MGST1: variants seen among roughly 807,000 people sequenced by gnomAD.
MGST1 encodes the protein microsomal glutathione S-transferase 1, also known as glutathione S-transferase 12.
Under a neutral mutation model 8.9 loss-of-function variants are expected in MGST1, and 5 were observed. The observed-to-expected ratio is 0.56, with a 90% CI of 0.29 to 1.19. MGST1 has a LOEUF of 1.19. Among genes scored for constraint, MGST1 ranks in the 50% most tolerant of loss-of-function variants. The probability of loss-of-function intolerance (pLI) is 0.08; values close to 1 mark genes in which losing one functional copy is unlikely to be tolerated. For synonymous variants in MGST1, 54 were observed against 67.8 expected (o/e 0.80, Z 1.00); for missense variants, 182 against 187.4 (o/e 0.97, Z 0.17).
chr12:16,385,357 G>A (rs1235044190), intron 1 of MGST1, among the ~76,000 whole-genome samples: 1 of 152,140 alleles, frequency 6.6e-6, no homozygotes, highest in Non-Finnish European at 1.5e-5. Flanking sequence ...TTAGGTGGAG[G>A]GAGGTTGGAA....
chr12:16,553,767 T>G (rs1050593121), intron 4 of MGST1, among the ~76,000 whole-genome samples: 1 of 151,794 alleles, frequency 6.6e-6, no homozygotes, highest in Non-Finnish European at 1.5e-5. Context: ...GCAATACAGA[T>G]AGTATGTATT....
chr12:16,385,192 A>G (rs1940494191), intron 1 of MGST1, among the ~76,000 whole-genome samples: 1 of 152,196 alleles, frequency 6.6e-6, no homozygotes, highest in Admixed American at 6.5e-5. Context: ...TCCCCAGTAT[A>G]AAGTTCTTAT....
rs769893510 is a variant in MGST1 at position 16,586,700 on chromosome 12, C to T, written n.483-2828C>T. Among the ~76,000 whole-genome samples, 2 of 152,104 alleles carry T rather than the reference C, an allele frequency of 1.3e-5. No homozygotes were observed. Among genetic ancestry groups the T allele is most frequent in the Non-Finnish European group, 2.9e-5 (2 of 68,024 alleles). On this transcript the variant is annotated intron_variant and non_coding_transcript_variant, in intron 4 of 4. Coordinates refer to the MGST1 transcript ENST00000538857. This position sits in a 1 kb window ranked among gnomAD's most constrained non-coding sequence, Gnocchi z 4.3. ...AGATTTCAAGATACACATCTTTTGA[C>T]CCCCCATTGCAGTAGATGATGTTTT...
At chr12:16,488,567 A>G (rs570880215) in intron 4 of MGST1, among the ~76,000 whole-genome samples, 8 of 152,280 alleles carry the variant, frequency 5.3e-5, no homozygotes, top group East Asian at 3.9e-4. Flanking sequence ...ACTTTCCTCC[A>G]TAGTCTGCCA....
rs887864421 is a variant in MGST1, at chr12:16,413,177, A to G, written n.779-24211A>G. 2.6e-5 allele frequency among the ~76,000 whole-genome samples: 4 copies of G among 152,162 alleles called. No individual in the cohort carries two copies. Among genetic ancestry groups the G allele is most frequent in the African/African-American group, 9.7e-5 (4 of 41,438 alleles). Reference sequence around the variant, plus strand: ...AATTAGCATCAAGAGAACCACTATCACTGACTTTCTCGAGCCCTATTTGGC... The same window carrying G: ...AATTAGCATCAAGAGAACCACTATCGCTGACTTTCTCGAGCCCTATTTGGC... On this transcript the variant is annotated intron_variant and non_coding_transcript_variant, in intron 1 of 1. Transcript: ENST00000359720. The surrounding 1 kb of genome is among the most constrained non-coding windows in gnomAD (Gnocchi z 4.0).
At chr12:16,590,284 G>C (rs1321898485), downstream of MGST1, among the ~76,000 whole-genome samples, 3 of 151,982 alleles carry the variant, frequency 2.0e-5, no homozygotes, top group Non-Finnish European at 4.4e-5. Flanking sequence ...TTAGTGGTGA[G>C]AAATATAAGC....
At position 16,555,126 on chromosome 12, in the gene MGST1, C is replaced by T. The variant is rs558219900; in HGVS notation, n.483-34402C>T. On this transcript the variant is annotated intron_variant and non_coding_transcript_variant, in intron 4 of 4. Coordinates refer to the MGST1 transcript ENST00000538857. This position sits in a 1 kb window ranked among gnomAD's most constrained non-coding sequence, Gnocchi z 5.5. ...ATGAGTACATGTAAAACACTCAGAA[C>T]GGTGTTTGGTGTTTGACTAATACTT... Among the ~76,000 whole-genome samples the T allele has an allele frequency of 6.6e-6, 1 of 152,256 alleles. No individual in the cohort carries two copies. The highest frequency in any genetic ancestry group is 6.5e-5 in the Admixed American group (1 of 15,292).
chr12:16,484,104 G>T (rs1045421890), intron 4 of MGST1, among the ~76,000 whole-genome samples: 10 of 152,146 alleles, frequency 6.6e-5, no homozygotes, highest in Non-Finnish European at 1.0e-4. Flanking sequence ...AATAACCCTT[G>T]TCAGACTCCC....
chr12:16,379,094 C>G (rs1940423829), downstream of MGST1, among the ~76,000 whole-genome samples: 1 of 152,128 alleles, frequency 6.6e-6, no homozygotes, highest in South Asian at 2.1e-4. Context: ...CATCTGCAAA[C>G]AGGGACAATT....
In MGST1 at chr12:16,413,119, T is replaced by C. The variant is rs145844342; in HGVS notation, n.779-24269T>C. On this transcript the variant is annotated intron_variant and non_coding_transcript_variant, in intron 1 of 1. Transcript: ENST00000359720. This position sits in a 1 kb window ranked among gnomAD's most constrained non-coding sequence, Gnocchi z 4.0. ...TGTGTGGCTACTCAATGAACATCAC[T>C]TTAAAAGAAAGGAAGGAGAAGAGAG... Among the ~76,000 whole-genome samples, 2 of 152,206 alleles carry C rather than the reference T, an allele frequency of 1.3e-5. No individual in the cohort carries two copies. The highest frequency in any genetic ancestry group is 3.9e-4 in the East Asian group (2 of 5,164).
chr12:16,443,964 T>C (rs1192919448), intron 4 of MGST1, among the ~76,000 whole-genome samples: 1 of 151,920 alleles, frequency 6.6e-6, no homozygotes, highest in Non-Finnish European at 1.5e-5. Context: ...TGCCACTAAA[T>C]TGTTGTAATC....
chr12:16,561,091 G>A (rs1449984876), intron 4 of MGST1, among the ~76,000 whole-genome samples: 1 of 152,058 alleles, frequency 6.6e-6, no homozygotes, highest in Non-Finnish European at 1.5e-5. Flanking sequence ...TGTTATTCAA[G>A]TAGCACATTA....
intron 4 of MGST1, among the ~76,000 whole-genome samples, chr12:16,588,490 C>A (rs1411438391): frequency 6.6e-6 from 1 of 151,972 alleles, no homozygotes; most frequent in East Asian, 1.9e-4. Context: ...GGCCATAGAA[C>A]TTTTATAAGG....
At position 16,431,753 on chromosome 12, in the gene MGST1, T is replaced by C. The variant is rs141174211; in HGVS notation, n.779-5635T>C. On this transcript the variant is annotated intron_variant and non_coding_transcript_variant, in intron 1 of 1. Transcript: ENST00000359720. Reference sequence around the variant, plus strand: ...AACACAGAGGCAGGAAGTGAATGCATGCTGTTGGGAAAATTATGTTGATAG... The same window carrying C: ...AACACAGAGGCAGGAAGTGAATGCACGCTGTTGGGAAAATTATGTTGATAG... Among the ~76,000 whole-genome samples the C allele has an allele frequency of 2.6e-4, 40 of 152,298 alleles. No individual in the cohort carries two copies. The East Asian group carries it at 7.7e-3, about 29-fold the overall frequency.
intron 1 of MGST1, among the ~76,000 whole-genome samples, chr12:16,393,749 A>G (rs1940573414): frequency 6.6e-6 from 1 of 152,146 alleles, no homozygotes; most frequent in Non-Finnish European, 1.5e-5. Context: ...CCTTCCTTAG[A>G]CCTGTGGCCC....
intron 1 of MGST1, among the ~76,000 whole-genome samples, chr12:16,353,869 C>T (rs765619553): frequency 2.0e-5 from 3 of 150,034 alleles, no homozygotes; most frequent in Non-Finnish European, 4.4e-5. Flanking sequence ...AAGCAATTCT[C>T]CTGCCTCAGT....
downstream of MGST1, among the ~76,000 whole-genome samples, chr12:16,439,340 T>G (rs911686497): frequency 6.6e-6 from 1 of 151,868 alleles, no homozygotes; most frequent in Non-Finnish European, 1.5e-5. Flanking sequence ...TCCAATGTGG[T>G]AAGAAGATGG....
chr12:16,403,321 T>C (rs1307711400), intron 1 of MGST1, among the ~76,000 whole-genome samples: 1 of 152,196 alleles, frequency 6.6e-6, no homozygotes, highest in African/African-American at 2.4e-5. Flanking sequence ...CTTTATTGTT[T>C]TTTTAAGTTT....
intron 4 of MGST1, among the ~76,000 whole-genome samples, chr12:16,467,101 T>C (rs562011292): frequency 2.6e-5 from 4 of 152,336 alleles, no homozygotes; most frequent in Non-Finnish European, 5.9e-5. Flanking sequence ...AACACAAATC[T>C]AAGAGCTTTC....
Sources: gnomAD v4.1 joint callset for allele counts (sites outside exome capture counted in the v4.1 genomes callset) on GRCh38, gnomAD v4.1.1 for gene constraint, Gnocchi (gnomAD v3.1) non-coding constraint, MANE v1.5 for transcripts, NCBI Gene and HGNC (gene_info 2026-07-23, HGNC 2026-07-21) for gene names.